Variants in MCPH1 observed in about 807,000 individuals in gnomAD.
The protein encoded by MCPH1 is microcephalin.
Under a neutral mutation model 84.5 loss-of-function variants are expected in MCPH1, and 104 were observed. That is an observed-to-expected ratio of 1.23 (90% CI 1.05 to 1.45). The LOEUF (loss-of-function observed/expected upper bound fraction) is 1.45, where lower values mean the gene tolerates loss of function less well. Ranked by LOEUF, MCPH1 falls within the 40% of genes most tolerant of loss-of-function variation. The probability of loss-of-function intolerance (pLI) is 0.00; values close to 1 mark genes in which losing one functional copy is unlikely to be tolerated. For missense variants in MCPH1, 1,498 were observed against 1,005.7 expected (o/e 1.49, Z -6.62); for synonymous variants, 514 against 366.8 (o/e 1.40, Z -4.58).
chr8:6,451,080 G>C (rs1225560105), intron 8 of MCPH1, among the ~76,000 whole-genome samples: 1 of 152,166 alleles, frequency 6.6e-6, no homozygotes, highest in Non-Finnish European at 1.5e-5. Context: ...CAAATAAATA[G>C]ATAGACATAT....
At chr8:6,615,016 GGTCCCCA>G (rs1830662422) in intron 12 of MCPH1, among the ~76,000 whole-genome samples, 3 of 152,298 alleles carry the variant, frequency 2.0e-5, no homozygotes, top group Middle Eastern at 6.8e-3. Flanking sequence ...AGGTTTCTAA[GGTCCCCA>G]GTAACCACGC....
intron 12 of MCPH1, among the ~76,000 whole-genome samples, chr8:6,514,260 G>C (rs549181837): frequency 6.6e-6 from 1 of 152,142 alleles, no homozygotes; most frequent in Non-Finnish European, 1.5e-5. Flanking sequence ...TGTGATCTTG[G>C]CTGACTGCAC....
chr8:6,517,884 G>A (rs527298782), intron 12 of MCPH1, among the ~76,000 whole-genome samples: 1 of 152,172 alleles, frequency 6.6e-6, no homozygotes, highest in African/African-American at 2.4e-5. Context: ...AGTAACAATT[G>A]ACACCACTTA....
At position 6,599,366 on chromosome 8, in the gene MCPH1, C is replaced by G. The variant is rs142491900; in HGVS notation, c.2215-22088C>G. Among the ~76,000 whole-genome samples, 532 of 152,290 alleles carry G rather than the reference C, an allele frequency of 3.5e-3. 3 individuals are homozygous for G. Among genetic ancestry groups the G allele is most frequent in the African/African-American group, 0.012 (494 of 41,550 alleles). ...GTCAGGGACTGCATGACGCCAGGCC[C>G]CAACTGTTTAAAGCAGAGCGCGGCT... On this transcript the variant is annotated intron_variant, in intron 12 of 13. Coordinates refer to ENST00000344683, the MANE Select transcript of MCPH1 (RefSeq NM_024596.5).
chr8:6,486,299 A>ACTCTCGCT lies in MCPH1; in HGVS notation c.2136+5438_2136+5445dup, dbSNP rs936750563. Among the ~76,000 whole-genome samples the ACTCTCGCT allele has an allele frequency of 1.3e-3, 192 of 143,690 alleles. 2 individuals are homozygous for ACTCTCGCT. The East Asian group carries it at 0.032, about 24-fold the overall frequency. The allele number at this position is 143,690 out of a possible 152,430, so 94.3% of individuals were successfully genotyped here. On this transcript the variant is annotated intron_variant, in intron 11 of 13. Coordinates refer to ENST00000344683, the MANE Select transcript of MCPH1 (RefSeq NM_024596.5). ...CTCTCTCTCTCTCTCTCTCTCTGGC[A>ACTCTCGCT]CTCTCGCTCTCTCGCTCTCTCGTCC...
At chr8:6,430,118 G>T (rs1801626461) in intron 3 of MCPH1, among the ~76,000 whole-genome samples, 1 of 152,186 alleles carries the variant, frequency 6.6e-6, no homozygotes, top group African/African-American at 2.4e-5. Flanking sequence ...AGTTGAGTCT[G>T]GTGATCATCT....
At chr8:6,506,542 C>A (rs1813768097) in intron 12 of MCPH1, among the ~76,000 whole-genome samples, 1 of 152,172 alleles carries the variant, frequency 6.6e-6, no homozygotes, top group Admixed American at 6.5e-5. Context: ...AGAGCTGGGT[C>A]CAGCATGTGG....
Position 6,591,989 on chromosome 8 carries a change from A to C in MCPH1, c.2215-29465A>C, listed in dbSNP as rs371770398. Among the ~76,000 whole-genome samples, 427 of 152,336 alleles carry C rather than the reference A, an allele frequency of 2.8e-3. 3 individuals carry two copies. Among genetic ancestry groups the C allele is most frequent in the African/African-American group, 9.7e-3 (404 of 41,582 alleles). ...AAGTAGGGAAAAAATTCGACAACGC[A>C]AAGTGAGAGTGGGAAACCATGTGAA... On this transcript the variant is annotated intron_variant, in intron 12 of 13. Coordinates refer to ENST00000344683, the MANE Select transcript of MCPH1 (RefSeq NM_024596.5).
At chr8:6,442,619 GCA>G (rs1160226617) in intron 7 of MCPH1, among the ~76,000 whole-genome samples, 8 of 152,314 alleles carry the variant, frequency 5.3e-5, no homozygotes, top group South Asian at 4.2e-4. Context: ...AGGAATTAGT[GCA>G]GTTAGTTCCA....
chr8:6,432,203 C>G (rs1000339075), intron 4 of MCPH1, among the ~76,000 whole-genome samples: 2 of 152,348 alleles, frequency 1.3e-5, no homozygotes, highest in African/African-American at 2.4e-5. Context: ...CTCCTGGCCC[C>G]AAGTGATTCT....
chr8:6,504,182 G>C (rs916727845), intron 12 of MCPH1, among the ~76,000 whole-genome samples: 3 of 151,958 alleles, frequency 2.0e-5, no homozygotes, highest in Non-Finnish European at 4.4e-5. Flanking sequence ...GCCGGGCGTG[G>C]TGGCGGACGC....
intron 12 of MCPH1, among the ~76,000 whole-genome samples, chr8:6,563,871 C>T (rs1034849844): frequency 5.3e-5 from 8 of 151,902 alleles, no homozygotes; most frequent in African/African-American, 1.7e-4. Context: ...TTTAAAAAAA[C>T]TCCACTTGGA....
At chr8:6,594,374 C>G (rs1828758018) in intron 12 of MCPH1, among the ~76,000 whole-genome samples, 1 of 152,220 alleles carries the variant, frequency 6.6e-6, no homozygotes, top group African/African-American at 2.4e-5. Flanking sequence ...GGAGTTTTCA[C>G]TGCAGTGCAG....
At chr8:6,533,415 G>T (rs56268917) in intron 12 of MCPH1, among the ~76,000 whole-genome samples, 3,661 of 152,202 alleles carry the variant, frequency 0.024, 73 homozygotes, top group Non-Finnish European at 0.035. Flanking sequence ...TTATAGTCTT[G>T]GTTCTAGGAA....
In MCPH1 at chr8:6,455,250, AAGGTC is replaced by A. The variant is rs1413757220; in HGVS notation, c.1935+1_1935+5del. The A allele has an allele frequency of 1.3e-6, 2 of 1,599,174 alleles. No individual in the cohort carries two copies. Among genetic ancestry groups the A allele is most frequent in the Non-Finnish European group, 1.7e-6 (2 of 1,166,536 alleles). ...ATTGAAGAAAAGTGGGAGAGGCAAA[AAGGTC>A]AGTGTGTAAAAATATTATTTTAAAC... On this transcript the variant is annotated splice_donor_variant and splice_donor_region_variant and coding_sequence_variant and intron_variant, in exon 9 of 14. Coordinates refer to ENST00000344683, the MANE Select transcript of MCPH1 (RefSeq NM_024596.5). LOFTEE classifies it high-confidence loss of function.
At chr8:6,587,894 A>G (rs1341170558) in intron 12 of MCPH1, among the ~76,000 whole-genome samples, 2 of 152,360 alleles carry the variant, frequency 1.3e-5, no homozygotes, top group Admixed American at 1.3e-4. Flanking sequence ...TGTCTGAGCT[A>G]TCTGAGCAAG....
intron 4 of MCPH1, among the ~76,000 whole-genome samples, chr8:6,434,963 C>T (rs754418987): frequency 6.6e-6 from 1 of 152,066 alleles, no homozygotes; most frequent in African/African-American, 2.4e-5. Flanking sequence ...TGGGCAGTTC[C>T]AAGAACAGAA....
intron 12 of MCPH1, among the ~76,000 whole-genome samples, chr8:6,558,394 G>A (rs116371259): frequency 1.0e-3 from 156 of 152,140 alleles, no homozygotes; most frequent in African/African-American, 3.5e-3. Flanking sequence ...TCCCATGGCG[G>A]TAGAGTTGAT....
chr8:6,614,728 C>T (rs761350130), intron 12 of MCPH1, among the ~76,000 whole-genome samples: 1 of 152,222 alleles, frequency 6.6e-6, no homozygotes, highest in African/African-American at 2.4e-5. Flanking sequence ...CTCAAAACCT[C>T]GACAGCTGAG....
Sources: allele counts gnomAD v4.1 joint callset (sites outside exome capture counted in the v4.1 genomes callset), GRCh38; gene constraint gnomAD v4.1.1; transcripts MANE v1.5; gene names NCBI Gene and HGNC (gene_info 2026-07-23, HGNC 2026-07-21).